SGTB: variants seen among roughly 807,000 people sequenced by gnomAD.
SGTB encodes small glutamine rich tetratricopeptide repeat co-chaperone beta, also known as small glutamine-rich tetratricopeptide repeat-containing protein beta.
In SGTB, 19 loss-of-function variants were observed where a neutral mutation model predicts 43.9. The ratio of observed to expected loss-of-function variants is 0.43; its 90% CI spans 0.30 to 0.63. The LOEUF (loss-of-function observed/expected upper bound fraction) is 0.63. SGTB is among the 30% of genes least tolerant of loss of function. The probability of loss-of-function intolerance (pLI) is 0.12; values close to 1 mark genes in which losing one functional copy is unlikely to be tolerated. For missense variants in SGTB, 304 were observed against 358.9 expected (o/e 0.85, Z 1.24); for synonymous variants, 116 against 117.3 (o/e 0.99, Z 0.07).
chr5:65,693,581 A>C (rs958796161), intron 5 of SGTB, among the ~76,000 whole-genome samples: 1 of 152,090 alleles, frequency 6.6e-6, no homozygotes, highest in African/African-American at 2.4e-5. Context: ...ACACACATAC[A>C]CGCTGCCATG....
chr5:65,679,187 A>G (rs138415169), intron 8 of SGTB, among the ~76,000 whole-genome samples: 1 of 152,358 alleles, frequency 6.6e-6, no homozygotes, highest in East Asian at 1.9e-4. Flanking sequence ...AAAGGAAATG[A>G]ACAGACAATT....
intron 5 of SGTB, among the ~76,000 whole-genome samples, chr5:65,696,653 T>C (rs1184915279): frequency 6.6e-6 from 1 of 152,190 alleles, no homozygotes; most frequent in Non-Finnish European, 1.5e-5. Flanking sequence ...CAAATATGCA[T>C]ATAAGATAAG....
rs747034914 is a variant in SGTB, at chr5:65,704,348, G to A, written c.305C>T (p.Ala102Val). Residue 102 changes from alanine to valine, a missense_variant, in exon 5 of 11, where the codon GCT becomes GTT. Transcript: ENST00000381007. ...CTGTGTGTAACAATCCACTGCAGCA[G>A]CATAATTTTCTTCTTTCATGTGGTT... ...GNNHMKEENY[A>V]AAVDCYTQAI... The A allele has an allele frequency of 1.9e-5, 31 of 1,612,238 alleles. No individual in the cohort carries two copies. Among genetic ancestry groups the A allele is most frequent in the Non-Finnish European group, 2.6e-5 (31 of 1,179,142 alleles).
At chr5:65,691,879 C>G (rs991976567) in intron 5 of SGTB, among the ~76,000 whole-genome samples, 4 of 149,574 alleles carry the variant, frequency 2.7e-5, no homozygotes, top group Non-Finnish European at 5.9e-5. Context: ...TGCAGTGAGC[C>G]GAGATCGCGC....
chr5:65,708,955 G>C (rs563062055), intron 3 of SGTB, among the ~76,000 whole-genome samples: 2 of 151,978 alleles, frequency 1.3e-5, no homozygotes, highest in African/African-American at 4.8e-5. Flanking sequence ...GTAGGAGGAT[G>C]GCTTGAGCCC....
intron 4 of SGTB, among the ~76,000 whole-genome samples, chr5:65,707,541 TCTC>T (rs1757958954): frequency 6.6e-6 from 1 of 151,644 alleles, no homozygotes; most frequent in Non-Finnish European, 1.5e-5. Context: ...TTCAAGCAAT[TCTC>T]CTGCCTCATC....
intron 5 of SGTB, among the ~76,000 whole-genome samples, chr5:65,691,934 G>GAAA (rs70983684): frequency 2.2e-5 from 2 of 89,868 alleles, no homozygotes; most frequent in African/African-American, 3.8e-5. Context: ...TCGTCTTAAA[G>GAAA]AAAAAAAAAA....
intron 3 of SGTB, among the ~76,000 whole-genome samples, chr5:65,711,317 A>G (rs1758042185): frequency 6.6e-6 from 1 of 152,172 alleles, no homozygotes; most frequent in Non-Finnish European, 1.5e-5. Flanking sequence ...AAAAAGCTTT[A>G]TTCAAACAGA....
chr5:65,672,525 G>A (rs754784), intron 8 of SGTB, among the ~76,000 whole-genome samples: 48,251 of 151,978 alleles, frequency 0.32, 7,700 homozygotes, highest in South Asian at 0.34. Flanking sequence ...GATGTTGACA[G>A]CAGTTTACTT....
chr5:65,706,114 T>C (rs1464130949), intron 4 of SGTB, among the ~76,000 whole-genome samples: 1 of 152,180 alleles, frequency 6.6e-6, no homozygotes, highest in African/African-American at 2.4e-5. Context: ...TAATGCATTG[T>C]ACCCTTTAAA....
At chr5:65,721,083 T>C (rs1462705851) in intron 1 of SGTB, among the ~76,000 whole-genome samples, 1 of 152,228 alleles carries the variant, frequency 6.6e-6, no homozygotes, top group Non-Finnish European at 1.5e-5. Context: ...AGTAAAAATG[T>C]CTTCAAAACA....
At chr5:65,710,444 G>A (rs183877802) in intron 3 of SGTB, among the ~76,000 whole-genome samples, 6 of 152,148 alleles carry the variant, frequency 3.9e-5, no homozygotes, top group Non-Finnish European at 5.9e-5. Flanking sequence ...TTCACCATGT[G>A]GGGGCAAGAG....
intron 4 of SGTB, among the ~76,000 whole-genome samples, chr5:65,706,245 T>C (rs540055839): frequency 6.6e-6 from 1 of 152,346 alleles, no homozygotes; most frequent in Non-Finnish European, 1.5e-5. Flanking sequence ...ACTGAGAGGT[T>C]AACATTGTTT....
At chr5:65,685,537 T>C in intron 5 of SGTB, 65 bp from the exon 6 acceptor site, 1 of 1,265,080 alleles carries the variant, frequency 7.9e-7, no homozygotes, top group Non-Finnish European at 1.1e-6. Flanking sequence ...GATTTTCAGG[T>C]ACTAATAATA....
intron 2 of SGTB, among the ~76,000 whole-genome samples, chr5:65,716,017 G>A (rs569729438): frequency 9.8e-5 from 15 of 152,322 alleles, no homozygotes; most frequent in African/African-American, 2.6e-4. Context: ...TGATCCGCCC[G>A]CCTCGGCCTC....
intron 10 of SGTB, among the ~76,000 whole-genome samples, chr5:65,670,661 T>C (rs1179274282): frequency 1.3e-5 from 2 of 152,218 alleles, no homozygotes; most frequent in Non-Finnish European, 2.9e-5. Context: ...ATGTTTTTAT[T>C]GTATGTGCTC....
chr5:65,680,437 A>G, intron 8 of SGTB, 57 bp downstream of exon 8: 1 of 1,580,142 alleles, frequency 6.3e-7, no homozygotes, highest in Non-Finnish European at 8.6e-7. Flanking sequence ...AAAATTGCAT[A>G]GCTACATAGT....
At chr5:65,686,249 A>G (rs1757496406) in intron 5 of SGTB, among the ~76,000 whole-genome samples, 1 of 152,200 alleles carries the variant, frequency 6.6e-6, no homozygotes, top group Admixed American at 6.5e-5. Context: ...TCACAACTGC[A>G]AAGGAGAATG....
At chr5:65,674,136 G>A (rs1451851982) in intron 8 of SGTB, among the ~76,000 whole-genome samples, 1 of 152,124 alleles carries the variant, frequency 6.6e-6, no homozygotes, top group African/African-American at 2.4e-5. Flanking sequence ...AGTTTGCAAG[G>A]TATTCAAAAA....
Sources: gnomAD v4.1 joint callset for allele counts (sites outside exome capture counted in the v4.1 genomes callset) on GRCh38, gnomAD v4.1.1 for gene constraint, MANE v1.5 for transcripts, NCBI Gene and HGNC (gene_info 2026-07-23, HGNC 2026-07-21) for gene names.